Variants in HMSD observed in about 807,000 individuals in gnomAD.
HMSD encodes histocompatibility minor serpin domain containing.
In HMSD, 13 loss-of-function variants were observed where a neutral mutation model predicts 10.0. The ratio of observed to expected loss-of-function variants is 1.31; its 90% confidence interval spans 0.85 to 2.08. The LOEUF (loss-of-function observed/expected upper bound fraction) is 2.08, where lower values mean the gene tolerates loss of function less well. Among genes scored for constraint, HMSD ranks in the 30% most tolerant of loss-of-function variants. The pLI is 0.00. For synonymous variants in HMSD, 51 were observed against 54.2 expected (o/e 0.94, Z 0.26); for missense variants, 169 against 166.3 (o/e 1.02, Z -0.09).
At chr18:63,956,532 A>G (rs750499422) in intron 3 of HMSD, among the ~76,000 whole-genome samples, 13 of 152,212 alleles carry the variant, frequency 8.5e-5, no homozygotes, top group Non-Finnish European at 1.8e-4. Flanking sequence ...CCATGATGAG[A>G]TACCATCTCA....
chr18:63,969,639 A>G, intron 3 of HMSD: 1 of 152,246 alleles, frequency 6.6e-6, no homozygotes, highest in Admixed American at 6.5e-5. Context: ...AGATCATATT[A>G]TAATGAAAAG....
Position 63,954,542 on chromosome 18 carries a change from T to G in HMSD, c.207T>G (p.Ser69=). Reference sequence around the variant, plus strand: ...CCAACGGGCTCTTTGGAGAAAAGTCTTATGATTTCCTCACAGTAAGTCATA... The same window carrying G: ...CCAACGGGCTCTTTGGAGAAAAGTCGTATGATTTCCTCACAGTAAGTCATA... ...RTANGLFGEK[S]YDFLTGFTDS... The change falls in exon 3 of 4, where the codon TCT becomes TCG. Residue 69 remains serine (S), a synonymous_variant. Coordinates refer to ENST00000408945, the MANE Select transcript of HMSD (RefSeq NM_001123366.2). 6.2e-7 allele frequency: 1 copy of G among 1,611,868 alleles called. No homozygotes were observed. The highest frequency in any genetic ancestry group is 8.5e-7 in the Non-Finnish European group (1 of 1,178,536).
rs1349363989 is a variant in HMSD at position 63,954,274 on chromosome 18, T to G, written c.73-134T>G. On this transcript the variant is annotated intron_variant, in intron 2 of 3. Transcript: ENST00000408945. The stretch of plus-strand genomic sequence containing the variant: ...GGTTGCTTTTGAGACACTCTCTATC[T>G]TTTATTAGATTGATCATCTTTTAAG... 3 of 674,416 alleles carry G rather than the reference T, an allele frequency of 4.4e-6. No homozygotes were observed. The African/African-American group carries it at 5.4e-5, about 12-fold the overall frequency. 41.8% of individuals were successfully genotyped at this position (674,416 alleles called of 1,614,324 possible).
At chr18:63,949,652 A>T (rs2050318732) in intron 1 of HMSD, among the ~76,000 whole-genome samples, 1 of 152,030 alleles carries the variant, frequency 6.6e-6, no homozygotes, top group African/African-American at 2.4e-5. Flanking sequence ...GCCAGGGCGA[A>T]TGGGCGCGGA....
At chr18:63,962,181 G>A (rs1489868741), downstream of HMSD, among the ~76,000 whole-genome samples, 1 of 152,176 alleles carries the variant, frequency 6.6e-6, no homozygotes, top group Non-Finnish European at 1.5e-5. Context: ...AACCCATGAG[G>A]AATCTGAGAC....
intron 3 of HMSD, 73 bp from the exon 4 acceptor site, chr18:63,960,085 G>A: frequency 3.0e-6 from 4 of 1,341,570 alleles, no homozygotes; most frequent in Admixed American, 2.1e-5. Flanking sequence ...TTCTGATGTG[G>A]CACAATGAAG....
At chr18:63,951,190 T>A (rs2050328548) in intron 1 of HMSD, among the ~76,000 whole-genome samples, 1 of 152,268 alleles carries the variant, frequency 6.6e-6, no homozygotes, top group Admixed American at 6.5e-5. Flanking sequence ...AAGTTTGTTC[T>A]TTAAAGTGAT....
At chr18:63,957,483 C>T (rs947143288) in intron 3 of HMSD, among the ~76,000 whole-genome samples, 2 of 151,958 alleles carry the variant, frequency 1.3e-5, no homozygotes, top group African/African-American at 4.8e-5. Flanking sequence ...GAGGATATCT[C>T]TCTTACTGTG....
rs368673983 is a variant in HMSD, at chr18:63,960,682, G to A, written c.*327G>A. The A allele has an allele frequency of 1.7e-5, 4 of 232,092 alleles. No homozygotes were observed. In the South Asian group the frequency reaches 2.3e-4, roughly 13 times the overall value. 14.4% of individuals were successfully genotyped at this position (232,092 alleles called of 1,614,324 possible). On this transcript the variant is annotated 3_prime_UTR_variant, in exon 4 of 4. Coordinates refer to ENST00000408945, the MANE Select transcript of HMSD (RefSeq NM_001123366.2). Reference sequence around the variant, plus strand: ...ACACTGATGATTTAGATTGAACAGGGAGAGTTATATTGTTTTCTAGGGCAC... The same window carrying A: ...ACACTGATGATTTAGATTGAACAGGAAGAGTTATATTGTTTTCTAGGGCAC...
At chr18:63,960,135 A>T in intron 3 of HMSD, 23 bp from the exon 4 acceptor site, 1 of 1,604,276 alleles carries the variant, frequency 6.2e-7, no homozygotes, top group African/African-American at 1.3e-5. Context: ...TAGCTGTGAA[A>T]TTATGTTTTT....
chr18:63,956,854 A>T lies in HMSD; in HGVS notation c.222+2297A>T, dbSNP rs181678781. Among the ~76,000 whole-genome samples the T allele has an allele frequency of 3.9e-5, 6 of 152,368 alleles. No individual in the cohort carries two copies. The East Asian group carries it at 1.2e-3, about 29-fold the overall frequency. On this transcript the variant is annotated intron_variant, in intron 3 of 3. Transcript: ENST00000408945. ...CATCAATAGTAGACTGGATTAAAAA[A>T]ATGTGGTACATATACACCACGAAAT... is the stretch of plus-strand genomic sequence containing the variant.
intron 3 of HMSD, among the ~76,000 whole-genome samples, chr18:63,957,658 T>C (rs1334745585): frequency 6.6e-6 from 1 of 152,180 alleles, no homozygotes; most frequent in Non-Finnish European, 1.5e-5. Context: ...CACTATTTAG[T>C]TTATTGCCAT....
intron 2 of HMSD, 91 bp from the exon 3 acceptor site, chr18:63,954,317 A>G: frequency 1.1e-6 from 1 of 905,286 alleles, no homozygotes; most frequent in Non-Finnish European, 1.7e-6. Flanking sequence ...AAGCATCTGT[A>G]AATCTCATAT....
At chr18:63,965,653 G>T (rs2050406473), downstream of HMSD, among the ~76,000 whole-genome samples, 1 of 152,176 alleles carries the variant, frequency 6.6e-6, no homozygotes, top group Admixed American at 6.5e-5. Context: ...TCTACAACAT[G>T]TATGTTTCAT....
At chr18:63,958,321 G>A (rs2050369706) in intron 3 of HMSD, among the ~76,000 whole-genome samples, 1 of 152,152 alleles carries the variant, frequency 6.6e-6, no homozygotes, top group Admixed American at 6.5e-5. Context: ...CACACAACTA[G>A]TAAGTTGCAG....
chr18:63,954,246 C>G (rs2050345783), intron 2 of HMSD, among the ~76,000 whole-genome samples, 162 bp from the exon 3 acceptor site: 1 of 152,178 alleles, frequency 6.6e-6, no homozygotes, highest in African/African-American at 2.4e-5. Context: ...GGTAGGCAGA[C>G]AGGGTTGCTT....
At chr18:63,954,001 C>CCAGATT (rs2050344164) in intron 2 of HMSD, among the ~76,000 whole-genome samples, 1 of 152,136 alleles carries the variant, frequency 6.6e-6, no homozygotes, top group Non-Finnish European at 1.5e-5. Flanking sequence ...CATGGCCAGC[C>CCAGATT]CAGATTCTGA....
At position 63,959,160 on chromosome 18, in the gene HMSD, A is replaced by G. The variant is rs183063626; in HGVS notation, c.223-998A>G. On this transcript the variant is annotated intron_variant, in intron 3 of 3. Transcript: ENST00000408945. ...GGTTAGGAATAAAGCTGTTATGAAT[A>G]TTTGTGTGCAGGTTTTATCAGCTCC... Among the ~76,000 whole-genome samples, 278 of 152,118 alleles carry G rather than the reference A, an allele frequency of 1.8e-3. 1 individual carries two copies. Among genetic ancestry groups the G allele is most frequent in the African/African-American group, 6.0e-3 (247 of 41,448 alleles).
rs1425092835 is a variant in HMSD at position 63,959,338 on chromosome 18, T to C, written c.223-820T>C. 2.0e-5 allele frequency among the ~76,000 whole-genome samples: 3 copies of C among 152,300 alleles called. No homozygotes were observed. In the East Asian group the frequency reaches 5.8e-4, roughly 29 times the overall value. On this transcript the variant is annotated intron_variant, in intron 3 of 3. Transcript: ENST00000408945. ...GCTCCACGTTTTCACCAGCATTTAG[T>C]GTTGTCAGTGTGTTTTCACTTTCAT...
Sources: gnomAD v4.1 joint callset for allele counts (sites outside exome capture counted in the v4.1 genomes callset) on GRCh38, gnomAD v4.1.1 for gene constraint, MANE v1.5 for transcripts, NCBI Gene and HGNC (gene_info 2026-07-23, HGNC 2026-07-21) for gene names.